RAP1A: variants seen among roughly 807,000 people sequenced by gnomAD.
RAP1A encodes the protein ras-related protein Rap-1A.
A neutral mutation model predicts 26.4 loss-of-function variants in RAP1A; 6 were observed. That is an observed-to-expected ratio of 0.23 (90% confidence interval 0.12 to 0.45). RAP1A has a LOEUF of 0.45. Ranked by LOEUF, RAP1A falls within the 20% of genes least tolerant of loss-of-function variation. RAP1A has a pLI of 0.99. For missense variants in RAP1A, 121 were observed against 217.2 expected (o/e 0.56, Z 2.78); for synonymous variants, 73 against 79.4 (o/e 0.92, Z 0.43).
At chr1:111,654,549 G>C (rs1340608326) in intron 1 of RAP1A, among the ~76,000 whole-genome samples, 1 of 152,106 alleles carries the variant, frequency 6.6e-6, no homozygotes, top group South Asian at 2.1e-4. Context: ...TAGGTCGTAT[G>C]TTTTCTCTTG....
At chr1:111,638,297 ATTTTG>A (rs1336095096) in intron 1 of RAP1A, among the ~76,000 whole-genome samples, 2 of 151,990 alleles carry the variant, frequency 1.3e-5, no homozygotes, top group Non-Finnish European at 2.9e-5. Context: ...TTTCTTTCCC[ATTTTG>A]TTTTGTTTTT....
exon 1 of RAP1A, chr1:111,542,371 TGA>T (rs1381283418): frequency 3.8e-6 from 1 of 260,914 alleles, no homozygotes; most frequent in East Asian, 9.5e-5. Flanking sequence ...CTGTGCCAGC[TGA>T]GAGGTGGTAG....
At chr1:111,697,207 G>A (rs934657281) in intron 3 of RAP1A, among the ~76,000 whole-genome samples, 1 of 152,052 alleles carries the variant, frequency 6.6e-6, no homozygotes, top group African/African-American at 2.4e-5. Context: ...CGTTACAGAG[G>A]TCAGAAAATA....
At chr1:111,600,303 C>T (rs886504409) in intron 1 of RAP1A, among the ~76,000 whole-genome samples, 2 of 152,196 alleles carry the variant, frequency 1.3e-5, no homozygotes, top group Non-Finnish European at 2.9e-5. Flanking sequence ...CCAGTCAGGA[C>T]TGGTAATCAC....
chr1:111,623,576 T>G (rs1659289824), intron 1 of RAP1A, among the ~76,000 whole-genome samples: 1 of 152,022 alleles, frequency 6.6e-6, no homozygotes, highest in Admixed American at 6.6e-5. Context: ...CCGGCTAATT[T>G]TTGTATTTTT....
chr1:111,667,418 C>G (rs535403599), intron 1 of RAP1A, among the ~76,000 whole-genome samples: 3 of 152,184 alleles, frequency 2.0e-5, no homozygotes, highest in South Asian at 4.2e-4. Flanking sequence ...GGCATGGTGG[C>G]TCACTCCTGT....
At chr1:111,709,087 T>C (rs1212593359) in intron 6 of RAP1A, 62 bp from the exon 7 acceptor site, 1 of 1,549,520 alleles carries the variant, frequency 6.5e-7, no homozygotes, top group African/African-American at 1.4e-5. Context: ...ACCAGAATTG[T>C]TTTGTGGAAC....
intron 6 of RAP1A, among the ~76,000 whole-genome samples, chr1:111,705,809 A>G (rs1662170330): frequency 6.6e-6 from 1 of 152,228 alleles, no homozygotes. Flanking sequence ...CTAGCAGAAC[A>G]GTGACATGAG....
At chr1:111,583,290 TA>T (rs33946441) in intron 1 of RAP1A, among the ~76,000 whole-genome samples, 2,842 of 143,664 alleles carry the variant, frequency 0.02, 83 homozygotes, top group East Asian at 0.07. Context: ...GCTCATGCTT[TA>T]AAAAAAAAAA....
chr1:111,567,647 C>A (rs746146307), intron 1 of RAP1A, among the ~76,000 whole-genome samples: 23 of 152,112 alleles, frequency 1.5e-4, no homozygotes, highest in Admixed American at 2.0e-4. Context: ...GTTTGGGTGT[C>A]CTTATAAGAA....
chr1:111,631,999 A>T (rs1282919340), intron 1 of RAP1A, among the ~76,000 whole-genome samples: 1 of 152,130 alleles, frequency 6.6e-6, no homozygotes, highest in Admixed American at 6.5e-5. Context: ...CCATTTAAGA[A>T]TTTAGTATTC....
intron 1 of RAP1A, among the ~76,000 whole-genome samples, chr1:111,658,012 T>G (rs1056946410): frequency 1.3e-5 from 2 of 152,226 alleles, no homozygotes; most frequent in Admixed American, 1.3e-4. Context: ...TTCAAATTTA[T>G]TGAGACTTAC....
intron 4 of RAP1A, 56 bp downstream of exon 4, chr1:111,697,553 T>C: frequency 6.2e-7 from 1 of 1,602,036 alleles, no homozygotes; most frequent in Non-Finnish European, 8.5e-7. Flanking sequence ...GGTTTTGTCA[T>C]CTGAGTAGGT....
rs542692491 is a variant in RAP1A at position 111,613,126 on chromosome 1, T to C, written c.-28+70617T>C. ...TCTACATCATAAGATCAGTGGTAGA[T>C]AGCGCTTTTTTGGTGAAAACGTAGG... On this transcript the variant is annotated intron_variant, in intron 1 of 7. Transcript: ENST00000356415. Among the ~76,000 whole-genome samples the C allele has an allele frequency of 6.6e-5, 10 of 151,814 alleles. No individual in the cohort carries two copies. The East Asian group carries it at 7.7e-4, about 12-fold the overall frequency.
At chr1:111,654,544 C>A (rs1242787383) in intron 1 of RAP1A, among the ~76,000 whole-genome samples, 1 of 151,954 alleles carries the variant, frequency 6.6e-6, no homozygotes, top group Admixed American at 6.6e-5. Context: ...TTCTGTAGGT[C>A]GTATGTTTTC....
chr1:111,619,982 G>C (rs982769665), intron 1 of RAP1A, 48 bp downstream of exon 1: 1 of 397,070 alleles, frequency 2.5e-6, no homozygotes, highest in Admixed American at 4.4e-5. Flanking sequence ...GGAGCGGGGG[G>C]CGCGGGTCGG....
intron 1 of RAP1A, among the ~76,000 whole-genome samples, chr1:111,675,791 C>T (rs913728850): frequency 2.0e-5 from 3 of 152,038 alleles, no homozygotes; most frequent in African/African-American, 7.2e-5. Flanking sequence ...AAGACATACC[C>T]AAGACTGGGC....
At chr1:111,696,097 T>C (rs1661819556) in intron 3 of RAP1A, among the ~76,000 whole-genome samples, 1 of 152,110 alleles carries the variant, frequency 6.6e-6, no homozygotes, top group Non-Finnish European at 1.5e-5. Context: ...TAATAAAGTC[T>C]ATTTAAAAGG....
intron 1 of RAP1A, among the ~76,000 whole-genome samples, chr1:111,640,280 T>G (rs1659853517): frequency 6.6e-6 from 1 of 152,204 alleles, no homozygotes; most frequent in Non-Finnish European, 1.5e-5. Context: ...TAACTAAATA[T>G]TATGTGAGAC....
Sources: allele counts gnomAD v4.1 joint callset (sites outside exome capture counted in the v4.1 genomes callset), GRCh38; gene constraint gnomAD v4.1.1; transcripts MANE v1.5; gene names NCBI Gene and HGNC (gene_info 2026-07-23, HGNC 2026-07-21).